Variants in BABAM2 observed in about 807,000 individuals in gnomAD.
BABAM2 encodes the protein BRISC and BRCA1 A complex member 2, also known as BRISC and BRCA1-A complex member 2.
In BABAM2, 31 loss-of-function variants were observed where a neutral mutation model predicts 54.7. That is an observed-to-expected ratio of 0.57 (90% CI 0.43 to 0.77). The LOEUF is 0.77. Ranked by LOEUF, BABAM2 falls within the 30% of genes least tolerant of loss-of-function variation. The pLI, the probability that BABAM2 is intolerant of heterozygous loss-of-function variation, is 0.00. For missense variants in BABAM2, 364 were observed against 455.8 expected, an observed-to-expected ratio of 0.80 and a Z score of 1.83; for synonymous variants, 167 against 162.9, an observed-to-expected ratio of 1.03 and a Z score of -0.19.
At chr2:28,142,757 A>G (rs1291676380) in intron 7 of BABAM2, among the ~76,000 whole-genome samples, 4 of 152,158 alleles carry the variant, frequency 2.6e-5, no homozygotes, top group Admixed American at 2.0e-4. Context: ...AGCACAACCA[A>G]TTTAATGTGT....
chr2:27,993,018 T>A (rs898495437), intron 4 of BABAM2, among the ~76,000 whole-genome samples: 1 of 152,172 alleles, frequency 6.6e-6, no homozygotes, highest in Admixed American at 6.5e-5. Context: ...TTTGTTGTGG[T>A]CTGTTTTCTT....
At chr2:27,991,619 A>G (rs1402916580) in intron 4 of BABAM2, among the ~76,000 whole-genome samples, 4 of 152,210 alleles carry the variant, frequency 2.6e-5, no homozygotes, top group Non-Finnish European at 5.9e-5. Flanking sequence ...GGATTTGCCT[A>G]TTCTGGACAT....
At chr2:27,999,766 T>C (rs185529207) in intron 4 of BABAM2, among the ~76,000 whole-genome samples, 2 of 152,344 alleles carry the variant, frequency 1.3e-5, no homozygotes, top group East Asian at 3.9e-4. Context: ...GAACTTCATG[T>C]GTATACATTA....
chr2:28,002,156 T>C (rs1673622786), intron 4 of BABAM2, among the ~76,000 whole-genome samples: 1 of 151,974 alleles, frequency 6.6e-6, no homozygotes, highest in Admixed American at 6.6e-5. Flanking sequence ...GCTTAAACAA[T>C]GTTATCAGGG....
intron 11 of BABAM2, among the ~76,000 whole-genome samples, chr2:28,334,905 G>A (rs747147870): frequency 2.0e-4 from 30 of 152,264 alleles, no homozygotes; most frequent in Middle Eastern, 3.4e-3. Flanking sequence ...CACCCCTTTT[G>A]CATTAAGGGT....
At chr2:27,999,150 C>G (rs988699214) in intron 4 of BABAM2, among the ~76,000 whole-genome samples, 3 of 151,974 alleles carry the variant, frequency 2.0e-5, no homozygotes, top group African/African-American at 7.2e-5. Flanking sequence ...TTCCTAACAT[C>G]TATTTGTGGT....
intron 3 of BABAM2, among the ~76,000 whole-genome samples, chr2:27,947,709 A>T (rs529725611): frequency 6.6e-6 from 1 of 151,876 alleles, no homozygotes; most frequent in Non-Finnish European, 1.5e-5. Flanking sequence ...TTTTTGTACT[A>T]TGTTTTCTTT....
intron 6 of BABAM2, among the ~76,000 whole-genome samples, chr2:28,112,083 C>CTTTCTT (rs1491267107): frequency 3.0e-5 from 3 of 98,774 alleles, no homozygotes; most frequent in East Asian, 2.9e-4. Context: ...ATACCCATTA[C>CTTTCTT]TCTTTCTTTC....
intron 4 of BABAM2, chr2:28,015,882 C>A: frequency 1.6e-6 from 1 of 609,550 alleles, no homozygotes; most frequent in African/African-American, 1.9e-5. Context: ...TTGCTCGTAC[C>A]TCCTCCATAT....
chr2:28,290,492 A>G (rs906104521), intron 10 of BABAM2, among the ~76,000 whole-genome samples: 5 of 152,226 alleles, frequency 3.3e-5, no homozygotes, highest in Admixed American at 1.3e-4. Context: ...ATGTTTGTCA[A>G]TCAAATGGGC....
intron 11 of BABAM2, 121 bp downstream of exon 11, chr2:28,298,612 T>A: frequency 8.1e-7 from 1 of 1,230,774 alleles, no homozygotes; most frequent in Non-Finnish European, 1.1e-6. Flanking sequence ...AAATAAAGTT[T>A]TATAGAAACA....
rs372382733 is a variant in BABAM2 at position 28,237,319 on chromosome 2, A to C, written c.780+18A>C. 2.3e-5 allele frequency: 36 copies of C among 1,589,858 alleles called. No homozygotes were observed. In the African/African-American group the frequency reaches 3.9e-4, roughly 17 times the overall value. On this transcript the variant is annotated intron_variant, in intron 8 of 11. Coordinates refer to ENST00000379624, the MANE Select transcript of BABAM2 (RefSeq NM_199191.3). ...CCAACAAGGTAAAAGCAAGTCCCCA[A>C]CTCATCCCTCTTATGAGATTTCTTC...
At chr2:28,175,617 C>T (rs1317525626) in intron 7 of BABAM2, among the ~76,000 whole-genome samples, 3 of 152,246 alleles carry the variant, frequency 2.0e-5, no homozygotes, top group Non-Finnish European at 4.4e-5. Context: ...ACAGCCACTG[C>T]TAACACAAAT....
At chr2:28,066,262 A>T (rs1480963884) in intron 6 of BABAM2, among the ~76,000 whole-genome samples, 1 of 152,022 alleles carries the variant, frequency 6.6e-6, no homozygotes, top group African/African-American at 2.4e-5. Flanking sequence ...TTCTATGCTG[A>T]CGTATATATG....
intron 11 of BABAM2, chr2:28,310,225 C>T: frequency 6.6e-7 from 1 of 1,504,508 alleles, no homozygotes; most frequent in Non-Finnish European, 9.2e-7. Context: ...ATTGAAAAGC[C>T]TGGCCATCAA....
intron 3 of BABAM2, among the ~76,000 whole-genome samples, chr2:27,954,238 C>A (rs1669935466): frequency 2.0e-5 from 3 of 152,208 alleles, no homozygotes; most frequent in Admixed American, 2.0e-4. Context: ...CATGTCTCAT[C>A]AATAGGGGCG....
At chr2:28,013,819 GC>G (rs1179135061) in intron 4 of BABAM2, among the ~76,000 whole-genome samples, 3 of 151,592 alleles carry the variant, frequency 2.0e-5, no homozygotes, top group Admixed American at 2.0e-4. Flanking sequence ...TAAAGGAGGG[GC>G]AGAACCACAA....
rs1414464348 is a variant in BABAM2, at chr2:28,112,176, TCCC to T, written c.571-17094_571-17092del. ...CTCCCTCCCTCCCTCCCTCCCTCCC[TCCC>T]TCCCTCCCTCCCTCCCTCCCTTCCT... is the stretch of plus-strand genomic sequence containing the variant. On this transcript the variant is annotated intron_variant, in intron 6 of 11. Transcript: ENST00000379624. Among the ~76,000 whole-genome samples, 9 of 60,656 alleles carry T rather than the reference TCCC, an allele frequency of 1.5e-4. No individual in the cohort carries two copies. The East Asian group carries it at 2.9e-3, about 20-fold the overall frequency. 39.8% of individuals were successfully genotyped at this position (60,656 alleles called of 152,430 possible). A position where few individuals can be genotyped will look rare whatever the true frequency, so the allele number is the denominator to read the frequency against.
intron 7 of BABAM2, among the ~76,000 whole-genome samples, chr2:28,188,990 C>T (rs139194657): frequency 0.02 from 2,984 of 152,230 alleles, 97 homozygotes; most frequent in African/African-American, 0.066. Context: ...CACCTGAGGT[C>T]GGGAGTTCGA....
Sources: gnomAD v4.1 joint callset for allele counts (sites outside exome capture counted in the v4.1 genomes callset) on GRCh38, gnomAD v4.1.1 for gene constraint, MANE v1.5 for transcripts, NCBI Gene and HGNC (gene_info 2026-07-23, HGNC 2026-07-21) for gene names.